SPRY3: variants seen among roughly 807,000 people sequenced by gnomAD.
SPRY3 encodes the protein protein sprouty homolog 3.
SPRY3 carries 15 observed loss-of-function variants against 20.2 expected under a neutral mutation model. The ratio of observed to expected loss-of-function variants is 0.74; its 90% CI spans 0.50 to 1.14. SPRY3 has a LOEUF of 1.14. Among genes scored for constraint, SPRY3 ranks in the 50% most tolerant of loss-of-function variants. The probability of loss-of-function intolerance (pLI) is 0.00; values close to 1 mark genes in which losing one functional copy is unlikely to be tolerated. For synonymous variants in SPRY3, 143 were observed against 136.5 expected, an observed-to-expected ratio of 1.05 and a Z score of -0.33; for missense variants, 364 against 363.9, an observed-to-expected ratio of 1.00 and a Z score of 0.00.
At chrX:155,725,208 A>G (rs1366010121) in intron 2 of SPRY3, among the ~76,000 whole-genome samples, 3 of 152,134 alleles carry the variant, frequency 2.0e-5, no homozygotes, top group Non-Finnish European at 4.4e-5. Context: ...ATGTGCTGCT[A>G]GATTCAGTTT....
intron 2 of SPRY3, among the ~76,000 whole-genome samples, chrX:155,747,663 C>G: frequency 6.6e-6 from 1 of 151,900 alleles, no homozygotes; most frequent in South Asian, 2.1e-4. Flanking sequence ...AGTTCACTGG[C>G]TATAGCTATT....
intron 2 of SPRY3, among the ~76,000 whole-genome samples, chrX:155,752,620 T>C (rs2091268807): frequency 6.6e-6 from 1 of 151,752 alleles, no homozygotes; most frequent in Non-Finnish European, 1.5e-5. Context: ...AAAATACAGT[T>C]CTCAAAATGA....
At chrX:155,757,358 C>T (rs1469800137) in intron 2 of SPRY3, among the ~76,000 whole-genome samples, 1 of 152,118 alleles carries the variant, frequency 6.6e-6, no homozygotes, top group East Asian at 1.9e-4. Flanking sequence ...TGGCTTGCTC[C>T]CTCACTTTGA....
intron 2 of SPRY3, among the ~76,000 whole-genome samples, chrX:155,677,185 T>C (rs774197936): frequency 4.5e-5 from 5 of 112,068 alleles, no homozygotes; most frequent in Admixed American, 9.5e-5. Context: ...TTTAAAGATA[T>C]ATACTTATCA....
At chrX:155,714,676 T>G (rs1453796020) in intron 2 of SPRY3, among the ~76,000 whole-genome samples, 6 of 150,902 alleles carry the variant, frequency 4.0e-5, no homozygotes, top group African/African-American at 1.2e-4. Context: ...GCAAGTTTTT[T>G]CAGGCCCCAG....
intron 2 of SPRY3, among the ~76,000 whole-genome samples, chrX:155,764,932 C>T (rs1316016817): frequency 6.6e-6 from 1 of 152,134 alleles, no homozygotes; most frequent in Admixed American, 6.6e-5. Context: ...GCTGGGAAGT[C>T]CAAGATTAAG....
chrX:155,757,719 C>CAA (rs1353475824), intron 2 of SPRY3, among the ~76,000 whole-genome samples: 2 of 152,092 alleles, frequency 1.3e-5, no homozygotes, highest in Admixed American at 6.6e-5. Context: ...TCTCTGGAGG[C>CAA]AAGGTTTAGG....
chrX:155,749,777 G>A (rs1307597953), intron 2 of SPRY3, among the ~76,000 whole-genome samples: 11 of 151,878 alleles, frequency 7.2e-5, no homozygotes, highest in Non-Finnish European at 1.5e-4. Flanking sequence ...AAAATTATAG[G>A]AGAATCAGTT....
intron 2 of SPRY3, among the ~76,000 whole-genome samples, chrX:155,705,262 G>A (rs1450291587): frequency 6.6e-6 from 1 of 151,526 alleles, no homozygotes; most frequent in Non-Finnish European, 1.5e-5. Flanking sequence ...ATGTACAGTT[G>A]TAAAAGCCTT....
At chrX:155,727,176 T>C (rs1455594820) in intron 2 of SPRY3, among the ~76,000 whole-genome samples, 1 of 152,206 alleles carries the variant, frequency 6.6e-6, no homozygotes, top group East Asian at 1.9e-4. Flanking sequence ...AGATCCGCTG[T>C]TAGTCTGATG....
intron 1 of SPRY3, among the ~76,000 whole-genome samples, chrX:155,642,354 T>C (rs928646171): frequency 1.8e-5 from 2 of 112,093 alleles, no homozygotes; most frequent in Non-Finnish European, 3.8e-5. Context: ...CCTTATTTTA[T>C]TTATTTGGGT....
intron 1 of SPRY3, among the ~76,000 whole-genome samples, chrX:155,647,706 T>C (rs2067962368): frequency 8.9e-6 from 1 of 112,286 alleles, no homozygotes; most frequent in Non-Finnish European, 1.9e-5. Flanking sequence ...CAGTCTATCA[T>C]TGATGGGTAT....
intron 2 of SPRY3, among the ~76,000 whole-genome samples, chrX:155,734,115 A>G (rs2091152435): frequency 1.3e-5 from 2 of 152,030 alleles, no homozygotes; most frequent in African/African-American, 4.8e-5. Flanking sequence ...TGCATTCACA[A>G]CTTGGCCGGT....
intron 2 of SPRY3, among the ~76,000 whole-genome samples, chrX:155,715,401 C>A (rs2091015293): frequency 6.6e-6 from 1 of 152,134 alleles, no homozygotes; most frequent in African/African-American, 2.4e-5. Context: ...GGGTGCCTCA[C>A]AACTCTGCCT....
downstream of SPRY3, chrX:155,780,623 C>T (rs1355670345): frequency 6.0e-6 from 1 of 166,812 alleles, no homozygotes; most frequent in Non-Finnish European, 1.5e-5. Context: ...GATAGAAAAT[C>T]ATGTGTCCTT....
intron 2 of SPRY3, among the ~76,000 whole-genome samples, chrX:155,746,184 AG>A (rs2091224999): frequency 1.3e-5 from 2 of 152,014 alleles, no homozygotes; most frequent in Admixed American, 1.3e-4. Flanking sequence ...TCTTCAAAAA[AG>A]TTTCATGTTA....
At chrX:155,723,605 C>T (rs1377748010) in intron 2 of SPRY3, among the ~76,000 whole-genome samples, 1 of 152,014 alleles carries the variant, frequency 6.6e-6, no homozygotes, top group Non-Finnish European at 1.5e-5. Flanking sequence ...CTGTTCATAT[C>T]CTTTGCCCAC....
intron 2 of SPRY3, among the ~76,000 whole-genome samples, chrX:155,705,793 A>T (rs761622518): frequency 1.5e-3 from 223 of 151,476 alleles, no homozygotes; most frequent in Middle Eastern, 0.01. Flanking sequence ...TGATGAAGGG[A>T]TCAACTCTCC....
At chrX:155,738,601 C>T (rs984667851) in intron 2 of SPRY3, among the ~76,000 whole-genome samples, 13 of 152,090 alleles carry the variant, frequency 8.5e-5, no homozygotes, top group African/African-American at 3.1e-4. Flanking sequence ...TGATGGCCCA[C>T]CCAGAAGTGG....
Sources: gnomAD v4.1 joint callset for allele counts (sites outside exome capture counted in the v4.1 genomes callset) on GRCh38, gnomAD v4.1.1 for gene constraint, MANE v1.5 for transcripts, NCBI Gene and HGNC (gene_info 2026-07-23, HGNC 2026-07-21) for gene names.